Variants in MAMDC2 observed in about 807,000 individuals in gnomAD.
The protein encoded by MAMDC2 is MAM domain containing 2.
A neutral mutation model predicts 89.8 loss-of-function variants in MAMDC2; 57 were observed. The ratio of observed to expected loss-of-function variants is 0.63; its 90% CI spans 0.51 to 0.79. The LOEUF is 0.79. MAMDC2 is among the 30% of genes least tolerant of loss of function. The pLI, the probability that MAMDC2 is intolerant of heterozygous loss-of-function variation, is 0.00. For missense variants in MAMDC2, 800 were observed against 820.6 expected, an observed-to-expected ratio of 0.97 and a Z score of 0.31; for synonymous variants, 313 against 293.4, an observed-to-expected ratio of 1.07 and a Z score of -0.68.
intron 2 of MAMDC2, among the ~76,000 whole-genome samples, chr9:70,061,182 C>A (rs1253102058): frequency 6.6e-6 from 1 of 152,200 alleles, no homozygotes; most frequent in African/African-American, 2.4e-5. Flanking sequence ...CAATCACTGC[C>A]ATTTATCATG....
At chr9:70,201,844 G>A (rs1245316555) in intron 11 of MAMDC2, among the ~76,000 whole-genome samples, 44 of 141,896 alleles carry the variant, frequency 3.1e-4, no homozygotes, top group Admixed American at 1.2e-3. Context: ...TTTGCGTAGA[G>A]GTGTTTGTAG....
Position 70,097,789 on chromosome 9 carries a change from C to G in MAMDC2, c.149-10422C>G, listed in dbSNP as rs139193811. Reference sequence around the variant, plus strand: ...GAGATTTAGATGTAAGCTTATACCTCTTGGGTCTCATTCATCCTCTTATCC... The same window carrying G: ...GAGATTTAGATGTAAGCTTATACCTGTTGGGTCTCATTCATCCTCTTATCC... On this transcript the variant is annotated intron_variant, in intron 2 of 13. Coordinates refer to ENST00000377182, the MANE Select transcript of MAMDC2 (RefSeq NM_153267.5). Among the ~76,000 whole-genome samples, 201 of 152,216 alleles carry G rather than the reference C, an allele frequency of 1.3e-3. 3 individuals are homozygous for G. Among genetic ancestry groups the G allele is most frequent in the East Asian group, 9.7e-3 (50 of 5,170 alleles).
intron 11 of MAMDC2, among the ~76,000 whole-genome samples, chr9:70,182,482 T>G (rs1251004111): frequency 6.6e-6 from 1 of 152,190 alleles, no homozygotes. Context: ...ATCCATCTGG[T>G]CCTGGGCTTT....
At chr9:70,211,830 T>A (rs1404248100) in intron 11 of MAMDC2, among the ~76,000 whole-genome samples, 1 of 152,188 alleles carries the variant, frequency 6.6e-6, no homozygotes, top group Non-Finnish European at 1.5e-5. Flanking sequence ...TTCTGTTCAT[T>A]AGTTTTCTTT....
chr9:70,175,092 C>G (rs901982892), intron 11 of MAMDC2, among the ~76,000 whole-genome samples: 4 of 152,040 alleles, frequency 2.6e-5, no homozygotes, highest in Non-Finnish European at 5.9e-5. Flanking sequence ...AGGAGAGAAG[C>G]GATCTGATCT....
rs1828071756 is a variant in MAMDC2, at chr9:70,098,010, G to A, written c.149-10201G>A. Among the ~76,000 whole-genome samples the A allele has an allele frequency of 3.3e-5, 5 of 152,220 alleles. No individual in the cohort carries two copies. In the South Asian group the frequency reaches 1.0e-3, roughly 32 times the overall value. The stretch of plus-strand genomic sequence containing the variant: ...GGGGAAACCCTTTCTAATTCAGCAG[G>A]AAGATTTGGAAGCCCGATGGACTTG... On this transcript the variant is annotated intron_variant, in intron 2 of 13. Coordinates refer to ENST00000377182, the MANE Select transcript of MAMDC2 (RefSeq NM_153267.5).
chr9:70,219,989 C>A (rs1487731643), intron 12 of MAMDC2, among the ~76,000 whole-genome samples: 1 of 152,128 alleles, frequency 6.6e-6, no homozygotes, highest in Non-Finnish European at 1.5e-5. Flanking sequence ...CACTTTAAAA[C>A]GAATGAATCA....
chr9:70,066,563 T>C (rs1425201339), intron 2 of MAMDC2, among the ~76,000 whole-genome samples: 1 of 152,138 alleles, frequency 6.6e-6, no homozygotes, highest in African/African-American at 2.4e-5. Context: ...GAGATCATAG[T>C]GGCTTAGGAA....
intron 2 of MAMDC2, chr9:70,079,294 A>T (rs973084880): frequency 6.6e-6 from 1 of 152,150 alleles, no homozygotes; most frequent in African/African-American, 2.4e-5. Context: ...ACTGGCACAG[A>T]CTGTTGTGTA....
At chr9:70,091,570 A>T (rs957863601) in intron 2 of MAMDC2, among the ~76,000 whole-genome samples, 1 of 152,224 alleles carries the variant, frequency 6.6e-6, no homozygotes, top group African/African-American at 2.4e-5. Context: ...TATTTGGAAC[A>T]TATTTACGAA....
At chr9:70,172,378 A>C (rs942667323) in intron 11 of MAMDC2, among the ~76,000 whole-genome samples, 1 of 152,242 alleles carries the variant, frequency 6.6e-6, no homozygotes, top group African/African-American at 2.4e-5. Flanking sequence ...AGGAACTTTA[A>C]AAATATTTGG....
intron 2 of MAMDC2, chr9:70,086,299 A>G (rs1464099193): frequency 2.0e-5 from 3 of 152,180 alleles, no homozygotes; most frequent in African/African-American, 7.2e-5. Flanking sequence ...GATTTCCACT[A>G]CAATGTGTAT....
chr9:70,051,897 A>G (rs1826909883), intron 2 of MAMDC2, among the ~76,000 whole-genome samples: 1 of 150,852 alleles, frequency 6.6e-6, no homozygotes, highest in Non-Finnish European at 1.5e-5. Context: ...AGAGATAGAT[A>G]GATAGATAGA....
intron 2 of MAMDC2, among the ~76,000 whole-genome samples, chr9:70,092,036 A>C (rs920604478): frequency 6.6e-6 from 1 of 152,206 alleles, no homozygotes; most frequent in Non-Finnish European, 1.5e-5. Context: ...TAGGTAAATG[A>C]CTGGCAGGGT....
At chr9:70,124,359 C>T (rs987114862) in intron 5 of MAMDC2, among the ~76,000 whole-genome samples, 2 of 152,210 alleles carry the variant, frequency 1.3e-5, no homozygotes, top group African/African-American at 2.4e-5. Context: ...CTGGCTGCCT[C>T]CTCTGAGAAT....
chr9:70,118,940 T>G (rs367979510), intron 5 of MAMDC2, among the ~76,000 whole-genome samples: 2 of 152,306 alleles, frequency 1.3e-5, no homozygotes. Flanking sequence ...AGTCAAGGTT[T>G]TTAATGAGCA....
chr9:70,086,630 G>A (rs983362773), intron 2 of MAMDC2: 2 of 152,124 alleles, frequency 1.3e-5, no homozygotes, highest in South Asian at 2.1e-4. Context: ...TCAAGATTGG[G>A]GATGCAGATC....
intron 2 of MAMDC2, among the ~76,000 whole-genome samples, chr9:70,047,698 G>A (rs982158214): frequency 1.3e-5 from 2 of 152,154 alleles, no homozygotes; most frequent in East Asian, 1.9e-4. Flanking sequence ...TCCATGGTCC[G>A]TAGGTTAATT....
At chr9:70,208,229 G>A (rs1563999903) in intron 11 of MAMDC2, among the ~76,000 whole-genome samples, 1 of 152,152 alleles carries the variant, frequency 6.6e-6, no homozygotes, top group Non-Finnish European at 1.5e-5. Flanking sequence ...GGGCAGTATG[G>A]CCATTTTCAT....
Sources: allele counts gnomAD v4.1 joint callset (sites outside exome capture counted in the v4.1 genomes callset), GRCh38; gene constraint gnomAD v4.1.1; transcripts MANE v1.5; gene names NCBI Gene and HGNC (gene_info 2026-07-23, HGNC 2026-07-21).